NCKAP5: variants seen among roughly 807,000 people sequenced by gnomAD.
NCKAP5 encodes NCK associated protein 5.
In NCKAP5, 92 loss-of-function variants were observed where a neutral mutation model predicts 167.0. The observed-to-expected ratio is 0.55, with a 90% CI of 0.47 to 0.66. NCKAP5 has a LOEUF of 0.66. Ranked by LOEUF, NCKAP5 falls within the 30% of genes least tolerant of loss-of-function variation. The pLI, the probability that NCKAP5 is intolerant of heterozygous loss-of-function variation, is 0.00. For synonymous variants in NCKAP5, 891 were observed against 877.4 expected (o/e 1.02, Z -0.27); for missense variants, 2,378 against 2,315.0 (o/e 1.03, Z -0.56).
At chr2:132,890,474 T>C (rs750366756) in intron 8 of NCKAP5, among the ~76,000 whole-genome samples, 6 of 152,124 alleles carry the variant, frequency 3.9e-5, no homozygotes, top group African/African-American at 1.2e-4. Context: ...CCAAGCAAAA[T>C]ACACAGGTCC....
the NCKAP5 span, among the ~76,000 whole-genome samples, chr2:133,590,395 G>A: frequency 1.4e-4 from 21 of 151,938 alleles, no homozygotes; most frequent in South Asian, 3.3e-3. Flanking sequence ...GCTTGGTGGC[G>A]GGCACCTGTA....
intron 19 of NCKAP5, among the ~76,000 whole-genome samples, chr2:132,686,186 T>C (rs112622013): frequency 4.6e-5 from 7 of 152,124 alleles, no homozygotes; most frequent in Non-Finnish European, 8.8e-5. Flanking sequence ...AAAAAGTCAG[T>C]AGCATGCAGA....
chr2:132,999,935 C>T (rs1573689969), intron 6 of NCKAP5, among the ~76,000 whole-genome samples: 1 of 152,214 alleles, frequency 6.6e-6, no homozygotes, highest in African/African-American at 2.4e-5. Context: ...CCAACTCACA[C>T]TGATAACTGA....
intron 8 of NCKAP5, among the ~76,000 whole-genome samples, chr2:132,918,895 T>C (rs913338616): frequency 6.6e-6 from 1 of 152,230 alleles, no homozygotes; most frequent in African/African-American, 2.4e-5. Context: ...CATTGCCAAA[T>C]ATTGGGATGA....
At chr2:133,244,895 G>A (rs58265762) in intron 4 of NCKAP5, among the ~76,000 whole-genome samples, 3,891 of 152,274 alleles carry the variant, frequency 0.026, 153 homozygotes, top group African/African-American at 0.084. Flanking sequence ...ATATCTTGAT[G>A]ACTTTGGAAG....
chr2:133,025,367 T>C (rs553509295), intron 6 of NCKAP5, among the ~76,000 whole-genome samples: 318 of 152,356 alleles, frequency 2.1e-3, no homozygotes, highest in African/African-American at 7.1e-3. Flanking sequence ...AGAAAAAGCT[T>C]CTACTTTGCA....
At chr2:132,881,322 C>G (rs1344978744) in intron 8 of NCKAP5, among the ~76,000 whole-genome samples, 2 of 151,800 alleles carry the variant, frequency 1.3e-5, no homozygotes, top group Non-Finnish European at 2.9e-5. Flanking sequence ...TTACAGGTGA[C>G]CACCACCACA....
At chr2:133,589,469 A>G in the NCKAP5 span, among the ~76,000 whole-genome samples, 1 of 152,232 alleles carries the variant, frequency 6.6e-6, no homozygotes, top group South Asian at 2.1e-4. Context: ...CCAAATGAGG[A>G]GACGTCCAGG....
chr2:133,470,879 G>A (rs979958001), intron 3 of NCKAP5, among the ~76,000 whole-genome samples: 13 of 152,224 alleles, frequency 8.5e-5, no homozygotes, highest in Admixed American at 8.5e-4. Context: ...CTTGCGCATG[G>A]TGCGCGCACC....
intron 3 of NCKAP5, among the ~76,000 whole-genome samples, chr2:133,383,799 A>G (rs1465486761): frequency 1.3e-5 from 2 of 152,084 alleles, no homozygotes; most frequent in Non-Finnish European, 1.5e-5. Flanking sequence ...TTTGATTTGC[A>G]TTTCTCTGAT....
intron 3 of NCKAP5, among the ~76,000 whole-genome samples, chr2:133,500,864 C>T (rs1682446959): frequency 6.6e-6 from 1 of 152,178 alleles, no homozygotes; most frequent in South Asian, 2.1e-4. Flanking sequence ...CCATCATAGA[C>T]ATTTCCATTA....
chr2:133,498,972 C>T (rs1416926075), intron 3 of NCKAP5, among the ~76,000 whole-genome samples: 1 of 152,216 alleles, frequency 6.6e-6, no homozygotes, highest in East Asian at 1.9e-4. Context: ...CCTGGGTTGG[C>T]GACCTCCTGA....
chr2:133,205,714 T>C (rs963728097), intron 5 of NCKAP5, among the ~76,000 whole-genome samples: 2 of 152,186 alleles, frequency 1.3e-5, no homozygotes, highest in African/African-American at 4.8e-5. Flanking sequence ...GGGGGTAAGC[T>C]GATATCTTTA....
chr2:133,573,343 G>T (rs1688933381), upstream of NCKAP5, among the ~76,000 whole-genome samples: 1 of 152,128 alleles, frequency 6.6e-6, no homozygotes, highest in Non-Finnish European at 1.5e-5. Context: ...GCTGCCTCCT[G>T]GTCCCCTCAA....
At chr2:132,806,150 C>T (rs1685418287) in intron 11 of NCKAP5, among the ~76,000 whole-genome samples, 1 of 152,018 alleles carries the variant, frequency 6.6e-6, no homozygotes, top group South Asian at 2.1e-4. Context: ...TGTATATATA[C>T]CACAGTTTCT....
intron 6 of NCKAP5, among the ~76,000 whole-genome samples, chr2:133,126,615 G>T (rs7592507): frequency 6.6e-6 from 1 of 152,062 alleles, no homozygotes; most frequent in Non-Finnish European, 1.5e-5. Context: ...TTTGGGCCAC[G>T]TCTACTGTAT....
chr2:133,258,896 C>T (rs778930320), intron 4 of NCKAP5, among the ~76,000 whole-genome samples: 2 of 152,110 alleles, frequency 1.3e-5, no homozygotes, highest in African/African-American at 2.4e-5. Context: ...CTTTTTCAAC[C>T]ATGGGGACTT....
chr2:132,983,831 T>G (rs895469925), intron 7 of NCKAP5, among the ~76,000 whole-genome samples: 1 of 152,080 alleles, frequency 6.6e-6, no homozygotes, highest in Admixed American at 6.5e-5. Context: ...ATGCCTAAAG[T>G]GATTTAGGAT....
At chr2:133,353,122 A>T (rs931037927) in intron 3 of NCKAP5, among the ~76,000 whole-genome samples, 1 of 152,212 alleles carries the variant, frequency 6.6e-6, no homozygotes, top group Non-Finnish European at 1.5e-5. Context: ...GAATACAGCT[A>T]TTCACAAACT....
Sources: gnomAD v4.1 joint callset for allele counts (sites outside exome capture counted in the v4.1 genomes callset) on GRCh38, gnomAD v4.1.1 for gene constraint, MANE v1.5 for transcripts, NCBI Gene and HGNC (gene_info 2026-07-23, HGNC 2026-07-21) for gene names.